The following LHX4 variants were observed in gnomAD, a reference collection of about 807,000 sequenced individuals.
LHX4 encodes LIM/homeobox protein Lhx4.
Under a neutral mutation model 39.2 loss-of-function variants are expected in LHX4, and 16 were observed. That is an observed-to-expected ratio of 0.41 (90% CI 0.28 to 0.62). LHX4 has a LOEUF of 0.62. Ranked by LOEUF, LHX4 falls within the 20% of genes least tolerant of loss-of-function variation. The pLI, the probability that LHX4 is intolerant of heterozygous loss-of-function variation, is 0.33. For missense variants in LHX4, 439 were observed against 511.9 expected, an observed-to-expected ratio of 0.86 and a Z score of 1.37; for synonymous variants, 206 against 198.1, an observed-to-expected ratio of 1.04 and a Z score of -0.33.
intron 2 of LHX4, 127 bp downstream of exon 2, chr1:180,248,583 C>A (rs949024605): frequency 3.5e-5 from 35 of 1,000,286 alleles, no homozygotes; most frequent in Non-Finnish European, 7.6e-6. Flanking sequence ...GCAGGTAAAT[C>A]CTGGAGCTGA....
At chr1:180,255,522 A>T (rs1226464885) in intron 2 of LHX4, among the ~76,000 whole-genome samples, 1 of 152,238 alleles carries the variant, frequency 6.6e-6, no homozygotes, top group Non-Finnish European at 1.5e-5. Context: ...TTCCTCGCTA[A>T]GCAAATTAAA....
In LHX4 at chr1:180,232,831, G is replaced by T. The variant is rs115424939; in HGVS notation, c.76+2226G>T. ...GGACTGGGCCCAGTGGCCTAAGAAG[G>T]GGGGAAGCTCGAGGGGTTGTGGGGC... On this transcript the variant is annotated intron_variant, in intron 1 of 5. Transcript: ENST00000263726. The surrounding 1 kb of genome is among the most constrained non-coding windows in gnomAD (Gnocchi z 5.4). Among the ~76,000 whole-genome samples the T allele has an allele frequency of 1.3e-5, 2 of 152,348 alleles. No individual in the cohort carries two copies. Among genetic ancestry groups the T allele is most frequent in the East Asian group, 3.9e-4 (2 of 5,186 alleles).
chr1:180,240,628 C>T (rs780386848), intron 1 of LHX4, among the ~76,000 whole-genome samples: 4 of 152,034 alleles, frequency 2.6e-5, no homozygotes, highest in Non-Finnish European at 2.9e-5. Flanking sequence ...TCATGGTGGC[C>T]CCTGGTTCCT....
intron 2 of LHX4, among the ~76,000 whole-genome samples, chr1:180,257,205 C>G (rs570752976): frequency 6.6e-6 from 1 of 152,332 alleles, no homozygotes; most frequent in African/African-American, 2.4e-5. Context: ...GGGCAAGTCA[C>G]TGCTTGTCTC....
At chr1:180,256,626 G>A (rs1647867601) in intron 2 of LHX4, among the ~76,000 whole-genome samples, 1 of 152,242 alleles carries the variant, frequency 6.6e-6, no homozygotes, top group African/African-American at 2.4e-5. Flanking sequence ...TAAGAGCATA[G>A]GTGACAGGAT....
intron 1 of LHX4, among the ~76,000 whole-genome samples, chr1:180,242,599 C>T (rs780259285): frequency 6.6e-6 from 1 of 151,966 alleles, no homozygotes; most frequent in Non-Finnish European, 1.5e-5. Flanking sequence ...GTCTATGCCT[C>T]GACTATGTCC....
In LHX4 at chr1:180,232,527, A is replaced by AC. The variant is rs931303191; in HGVS notation, c.76+1929dup. On this transcript the variant is annotated intron_variant, in intron 1 of 5. Transcript: ENST00000263726. This position sits in a 1 kb window ranked among gnomAD's most constrained non-coding sequence, Gnocchi z 5.4. ...GGTGTACAAAGGAACTTCCACACCC[A>AC]CCCCCCCAGGGTGGCCCAGGGAGGC... 4.2e-4 allele frequency among the ~76,000 whole-genome samples: 63 copies of AC among 151,720 alleles called. No individual in the cohort carries two copies. The highest frequency in any genetic ancestry group is 1.3e-3 in the African/African-American group (52 of 41,320).
intron 3 of LHX4, among the ~76,000 whole-genome samples, chr1:180,267,214 T>C (rs1039720697): frequency 2.6e-5 from 4 of 152,188 alleles, no homozygotes; most frequent in Non-Finnish European, 5.9e-5. Context: ...GTCTCAGCAA[T>C]ATAGCTCCCT....
intron 2 of LHX4, among the ~76,000 whole-genome samples, chr1:180,260,683 TG>T (rs1002815602): frequency 6.6e-6 from 1 of 151,692 alleles, no homozygotes; most frequent in Non-Finnish European, 1.5e-5. Context: ...GTTAACACAC[TG>T]GGGGGTGAGG....
intron 1 of LHX4, among the ~76,000 whole-genome samples, chr1:180,236,267 T>C (rs1031015828): frequency 1.3e-5 from 2 of 152,092 alleles, no homozygotes; most frequent in African/African-American, 2.4e-5. Flanking sequence ...AGACAAAAAC[T>C]TGGGCCACAG....
At position 180,234,220 on chromosome 1, in the gene LHX4, T is replaced by TATATATATATATATATATAA. The variant is rs1389328209; in HGVS notation, c.76+3616_76+3617insTATATATATATATATATAAA. Among the ~76,000 whole-genome samples, 1 of 70,230 alleles carries TATATATATATATATATATAA rather than the reference T, an allele frequency of 1.4e-5. No individual in the cohort carries two copies. The highest frequency in any genetic ancestry group is 7.6e-5 in the African/African-American group (1 of 13,230). The allele number at this position is 70,230 out of a possible 152,430, so 46.1% of individuals were successfully genotyped here. The stretch of plus-strand genomic sequence containing the variant: ...ATATATATATATATATATATATATA[T>TATATATATATATATATATAA]AATAGATTGAGATTCTATCATATTC... On this transcript the variant is annotated intron_variant, in intron 1 of 5. Coordinates refer to ENST00000263726, the MANE Select transcript of LHX4 (RefSeq NM_033343.4). The surrounding 1 kb of genome is among the most constrained non-coding windows in gnomAD (Gnocchi z 4.8).
Position 180,230,384 on chromosome 1 carries a change from T to A in LHX4, c.-146T>A. The A allele has an allele frequency of 1.4e-6, 1 of 710,962 alleles. No homozygotes were observed. Among genetic ancestry groups the A allele is most frequent in the Non-Finnish European group, 2.5e-6 (1 of 401,446 alleles). The allele number at this position is 710,962 out of a possible 1,614,324, so 44.0% of individuals were successfully genotyped here. A position where few individuals can be genotyped will look rare whatever the true frequency, so the allele number is the denominator to read the frequency against. ...GGGGGCCGGCCAGCCTGTGGAGTCC[T>A]CCCTGAGAAGCGGAGGGCCCGGCTT... On this transcript the variant is annotated 5_prime_UTR_variant, in exon 1 of 6. Transcript: ENST00000263726. This position sits in a 1 kb window ranked among gnomAD's most constrained non-coding sequence, Gnocchi z 5.8.
At chr1:180,231,453 G>C (rs1664176287) in intron 1 of LHX4, among the ~76,000 whole-genome samples, 1 of 151,650 alleles carries the variant, frequency 6.6e-6, no homozygotes, top group African/African-American at 2.4e-5. Context: ...GGGTGTGCGC[G>C]CGCAGAGATT....
At chr1:180,274,160 T>C in intron 5 of LHX4, 25 bp from the exon 6 acceptor site, 1 of 1,614,078 alleles carries the variant, frequency 6.2e-7, no homozygotes, top group Non-Finnish European at 8.5e-7. Flanking sequence ...CAGCTGACAA[T>C]AAATCTCCGT....
At chr1:180,246,432 C>A (rs1647384017) in intron 1 of LHX4, among the ~76,000 whole-genome samples, 1 of 152,172 alleles carries the variant, frequency 6.6e-6, no homozygotes. Context: ...ATGTATGAGG[C>A]CAGGCGTGGT....
At chr1:180,254,455 C>T (rs1647761485) in intron 2 of LHX4, among the ~76,000 whole-genome samples, 1 of 152,252 alleles carries the variant, frequency 6.6e-6, no homozygotes, top group South Asian at 2.1e-4. Context: ...AGGCAGCGTC[C>T]TTGGGAGCCC....
intron 1 of LHX4, among the ~76,000 whole-genome samples, chr1:180,231,152 C>G (rs917028312): frequency 6.6e-6 from 1 of 151,106 alleles, no homozygotes; most frequent in African/African-American, 2.4e-5. Context: ...CCCGCGGCGC[C>G]CGCCGCGTGC....
intron 2 of LHX4, among the ~76,000 whole-genome samples, chr1:180,258,790 C>T (rs764237305): frequency 3.3e-5 from 5 of 151,820 alleles, no homozygotes; most frequent in Admixed American, 1.3e-4. Context: ...GGCAACAGAG[C>T]GAGACCCTGT....
chr1:180,254,326 G>A (rs1647756508), intron 2 of LHX4, among the ~76,000 whole-genome samples: 1 of 152,244 alleles, frequency 6.6e-6, no homozygotes, highest in Non-Finnish European at 1.5e-5. Flanking sequence ...AGGCCGCTGT[G>A]TCGCAGGGGA....
Sources: gnomAD v4.1 joint callset for allele counts (sites outside exome capture counted in the v4.1 genomes callset) on GRCh38, gnomAD v4.1.1 for gene constraint, Gnocchi (gnomAD v3.1) non-coding constraint, MANE v1.5 for transcripts, NCBI Gene and HGNC (gene_info 2026-07-23, HGNC 2026-07-21) for gene names.